METAP1D: variants seen among roughly 807,000 people sequenced by gnomAD.
METAP1D encodes the protein methionyl aminopeptidase type 1D, mitochondrial.
In METAP1D, 31 loss-of-function variants were observed where a neutral mutation model predicts 40.5. The ratio of observed to expected loss-of-function variants is 0.77; its 90% CI spans 0.58 to 1.03. METAP1D has a LOEUF of 1.03. METAP1D is among the 50% of genes least tolerant of loss of function. The pLI, the probability that METAP1D is intolerant of heterozygous loss-of-function variation, is 0.00. For synonymous variants in METAP1D, 151 were observed against 146.4 expected, an observed-to-expected ratio of 1.03 and a Z score of -0.22; for missense variants, 411 against 420.7, an observed-to-expected ratio of 0.98 and a Z score of 0.20.
intron 5 of METAP1D, among the ~76,000 whole-genome samples, chr2:172,066,514 G>A (rs1245254072): frequency 6.6e-6 from 1 of 152,196 alleles, no homozygotes; most frequent in Non-Finnish European, 1.5e-5. Context: ...GCTGCAATCA[G>A]ATGCACTGAG....
At chr2:172,078,424 A>C (rs1690603418) in intron 7 of METAP1D, among the ~76,000 whole-genome samples, 1 of 151,978 alleles carries the variant, frequency 6.6e-6, no homozygotes, top group African/African-American at 2.4e-5. Flanking sequence ...CTGGGTGTGC[A>C]CCCTATAGTG....
intron 1 of METAP1D, among the ~76,000 whole-genome samples, chr2:172,013,325 G>C (rs1464177829): frequency 6.6e-6 from 1 of 152,186 alleles, no homozygotes; most frequent in Non-Finnish European, 1.5e-5. Context: ...CTCATGCCCA[G>C]CATCTACGCA....
At chr2:172,072,760 G>T (rs1489693770) in intron 6 of METAP1D, among the ~76,000 whole-genome samples, 2 of 151,908 alleles carry the variant, frequency 1.3e-5, no homozygotes, top group Non-Finnish European at 2.9e-5. Flanking sequence ...CCCATTGAAG[G>T]CTATGAATGT....
intron 1 of METAP1D, among the ~76,000 whole-genome samples, chr2:172,020,003 C>T (rs1229922200): frequency 6.6e-6 from 1 of 152,004 alleles, no homozygotes; most frequent in African/African-American, 2.4e-5. Context: ...ATGTTTGTTT[C>T]TTTTTTTTAG....
intron 1 of METAP1D, among the ~76,000 whole-genome samples, chr2:172,011,347 C>T (rs998123448): frequency 1.3e-5 from 2 of 150,156 alleles, no homozygotes; most frequent in Non-Finnish European, 3.0e-5. Flanking sequence ...TGCAGTGGCG[C>T]GATCTCGGCT....
At chr2:172,025,174 A>C (rs1364915425) in intron 1 of METAP1D, among the ~76,000 whole-genome samples, 1 of 152,196 alleles carries the variant, frequency 6.6e-6, no homozygotes, top group Non-Finnish European at 1.5e-5. Context: ...TTCTCAATCA[A>C]TTGTTCTAGG....
chr2:172,070,375 A>G (rs187326024), intron 5 of METAP1D, among the ~76,000 whole-genome samples: 301 of 152,308 alleles, frequency 2.0e-3, no homozygotes, highest in African/African-American at 6.4e-3. Flanking sequence ...AACCACTTCA[A>G]TTCTTAGAAC....
intron 1 of METAP1D, among the ~76,000 whole-genome samples, chr2:172,012,479 T>G (rs1340435110): frequency 6.6e-6 from 1 of 152,178 alleles, no homozygotes; most frequent in African/African-American, 2.4e-5. Flanking sequence ...ATCAATTACC[T>G]AGATTTTAAA....
At chr2:172,062,668 G>C (rs905258013) in intron 2 of METAP1D, among the ~76,000 whole-genome samples, 1 of 149,754 alleles carries the variant, frequency 6.7e-6, no homozygotes, top group African/African-American at 2.5e-5. Context: ...TGTAGCTGTG[G>C]GAGAGTAGAT....
At chr2:172,033,056 C>T (rs1381894051) in intron 1 of METAP1D, among the ~76,000 whole-genome samples, 1 of 151,506 alleles carries the variant, frequency 6.6e-6, no homozygotes, top group Non-Finnish European at 1.5e-5. Flanking sequence ...AAGACTCCAT[C>T]TCTAAATAAA....
intron 1 of METAP1D, among the ~76,000 whole-genome samples, chr2:172,016,300 A>AAAAAAAATATATATATATATATAT (rs1553490378): frequency 2.5e-5 from 1 of 40,036 alleles, no homozygotes; most frequent in African/African-American, 8.6e-5. Context: ...AAAAAAAAAA[A>AAAAAAAATATATATATATATATAT]ATATATATAT....
At chr2:172,066,161 C>T in intron 4 of METAP1D, 103 bp from the exon 5 acceptor site, 1 of 861,334 alleles carries the variant, frequency 1.2e-6, no homozygotes, top group East Asian at 2.6e-5. Context: ...CAAATTATCA[C>T]TGCATCCCAT....
intron 1 of METAP1D, among the ~76,000 whole-genome samples, chr2:172,036,143 C>T (rs936667797): frequency 2.6e-5 from 4 of 151,426 alleles, no homozygotes; most frequent in Admixed American, 2.0e-4. Flanking sequence ...CGGTGAAACC[C>T]CGTCTCTACT....
intron 1 of METAP1D, among the ~76,000 whole-genome samples, chr2:172,006,927 T>A (rs1298774098): frequency 6.6e-6 from 1 of 152,192 alleles, no homozygotes; most frequent in Admixed American, 6.5e-5. Flanking sequence ...CTTCTTACGT[T>A]GTACATATCA....
Position 172,061,346 on chromosome 2 carries a change from A to C in METAP1D, c.41-152A>C, listed in dbSNP as rs1181540570. On this transcript the variant is annotated intron_variant, in intron 1 of 9. Transcript: ENST00000315796. ...TGTTACTATTGTACTAGAATTCAGAATACCACTGTTTTCATTTCTATTTGG... is the reference window on the plus strand; with the variant it reads ...TGTTACTATTGTACTAGAATTCAGACTACCACTGTTTTCATTTCTATTTGG... The C allele has an allele frequency of 5.0e-6, 3 of 599,018 alleles. No homozygotes were observed. In the East Asian group the frequency reaches 8.6e-5, roughly 17 times the overall value. 37.1% of individuals were successfully genotyped at this position (599,018 alleles called of 1,614,324 possible). A position where few individuals can be genotyped will look rare whatever the true frequency, so the allele number is the denominator to read the frequency against.
In METAP1D at chr2:172,007,165, AT is replaced by A. The variant is rs139762342; in HGVS notation, c.40+7177del. Among the ~76,000 whole-genome samples, 236 of 134,298 alleles carry A rather than the reference AT, an allele frequency of 1.8e-3. 1 individual carries two copies. The highest frequency in any genetic ancestry group is 3.6e-3 in the African/African-American group (124 of 34,586). 88.1% of individuals were successfully genotyped at this position (134,298 alleles called of 152,430 possible). On this transcript the variant is annotated intron_variant, in intron 1 of 9. Transcript: ENST00000315796. ...TTCCTGCTGCTTCCCATGTCATGTA[AT>A]TTTTTTTTTTTTTTTTTTTTAAGAG...
intron 1 of METAP1D, among the ~76,000 whole-genome samples, chr2:172,034,134 A>G (rs1221740620): frequency 1.3e-5 from 2 of 151,718 alleles, no homozygotes; most frequent in East Asian, 1.9e-4. Flanking sequence ...GGAAATATTT[A>G]CAGTTGAAAT....
In METAP1D at chr2:172,064,005, TTAAG is replaced by T. The variant is rs1208099351; in HGVS notation, c.348+149_348+152del. On this transcript the variant is annotated intron_variant, in intron 3 of 9. Coordinates refer to ENST00000315796, the MANE Select transcript of METAP1D (RefSeq NM_199227.3). ...TTTTAAATTAATTTGTTTTTAAAAA[TTAAG>T]TAAAGCCTTGGGATGGGGAAAAGGA... The T allele has an allele frequency of 1.7e-5, 18 of 1,064,452 alleles. No homozygotes were observed. The African/African-American group carries it at 2.5e-4, about 15-fold the overall frequency. 65.9% of individuals were successfully genotyped at this position (1,064,452 alleles called of 1,614,324 possible).
chr2:172,054,763 T>A (rs1190711130), intron 1 of METAP1D, among the ~76,000 whole-genome samples: 1 of 152,192 alleles, frequency 6.6e-6, no homozygotes, highest in Non-Finnish European at 1.5e-5. Context: ...CAAGAGATGT[T>A]CAGACTGCAC....
Sources: gnomAD v4.1 joint callset for allele counts (sites outside exome capture counted in the v4.1 genomes callset) on GRCh38, gnomAD v4.1.1 for gene constraint, MANE v1.5 for transcripts, NCBI Gene and HGNC (gene_info 2026-07-23, HGNC 2026-07-21) for gene names.